Variants in BRINP3 observed in about 807,000 individuals in gnomAD.
BRINP3 encodes the protein BMP/retinoic acid-inducible neural-specific protein 3.
In BRINP3, 19 loss-of-function variants were observed where a neutral mutation model predicts 71.0. That is an observed-to-expected ratio of 0.27 (90% CI 0.19 to 0.39). BRINP3 has a LOEUF of 0.39. BRINP3 is among the 10% of genes least tolerant of loss of function. The probability of loss-of-function intolerance (pLI) is 1.00; values close to 1 mark genes in which losing one functional copy is unlikely to be tolerated. For synonymous variants in BRINP3, 380 were observed against 337.7 expected (o/e 1.13, Z -1.37); for missense variants, 959 against 940.8 (o/e 1.02, Z -0.25).
intron 2 of BRINP3, among the ~76,000 whole-genome samples, chr1:190,344,733 T>C (rs761439035): frequency 7.2e-5 from 11 of 151,928 alleles, no homozygotes; most frequent in Non-Finnish European, 1.5e-4. Flanking sequence ...AGTTGAAAAG[T>C]TTAACATAAT....
At chr1:190,136,863 C>T (rs903285871) in intron 7 of BRINP3, among the ~76,000 whole-genome samples, 1 of 152,100 alleles carries the variant, frequency 6.6e-6, no homozygotes, top group Middle Eastern at 3.4e-3. Context: ...TACTACATAA[C>T]AGATATTTAT....
At chr1:190,353,679 G>T (rs888517938) in intron 2 of BRINP3, among the ~76,000 whole-genome samples, 1 of 151,870 alleles carries the variant, frequency 6.6e-6, no homozygotes, top group Non-Finnish European at 1.5e-5. Context: ...AAAGGAAGTG[G>T]ATGACACACC....
At chr1:190,380,334 G>C (rs1312574245) in intron 2 of BRINP3, among the ~76,000 whole-genome samples, 3 of 152,134 alleles carry the variant, frequency 2.0e-5, no homozygotes, top group East Asian at 1.9e-4. Flanking sequence ...TGAGGGAATA[G>C]AGAAAGTGGT....
In BRINP3 at chr1:190,354,757, A is replaced by G. The variant is rs567436700; in HGVS notation, c.237-73007T>C. Among the ~76,000 whole-genome samples, 6 of 151,196 alleles carry G rather than the reference A, an allele frequency of 4.0e-5. No individual in the cohort carries two copies. The East Asian group carries it at 1.2e-3, about 29-fold the overall frequency. On this transcript the variant is annotated intron_variant, in intron 2 of 7. Coordinates refer to ENST00000367462, the MANE Select transcript of BRINP3 (RefSeq NM_199051.3). ...TGTTTCCACTGCCACCGTCTCTTAA[A>G]AGGTCTTCTAAGTGTTTTTTTTTTT...
At chr1:190,380,169 T>C (rs1313979835) in intron 2 of BRINP3, among the ~76,000 whole-genome samples, 1 of 152,102 alleles carries the variant, frequency 6.6e-6, no homozygotes, top group Non-Finnish European at 1.5e-5. Context: ...TATGATGATA[T>C]CTTAAACTAA....
At chr1:190,295,025 C>T (rs1016825416) in intron 2 of BRINP3, among the ~76,000 whole-genome samples, 2 of 151,940 alleles carry the variant, frequency 1.3e-5, no homozygotes, top group South Asian at 2.1e-4. Context: ...GAAGGGGTGA[C>T]GCAGGCCACC....
intron 7 of BRINP3, among the ~76,000 whole-genome samples, chr1:190,113,159 T>A (rs952372144): frequency 6.6e-6 from 1 of 152,104 alleles, no homozygotes; most frequent in Non-Finnish European, 1.5e-5. Flanking sequence ...AAAGCAATAA[T>A]CAATTGATTA....
At chr1:190,167,885 A>C (rs952626717) in intron 6 of BRINP3, among the ~76,000 whole-genome samples, 3 of 152,132 alleles carry the variant, frequency 2.0e-5, no homozygotes, top group African/African-American at 7.2e-5. Context: ...TTATTGGAGG[A>C]AAAAGCATTA....
intron 6 of BRINP3, among the ~76,000 whole-genome samples, chr1:190,193,203 A>T (rs922488317): frequency 2.0e-5 from 3 of 152,078 alleles, no homozygotes; most frequent in Non-Finnish European, 4.4e-5. Context: ...AACTATCAAT[A>T]TGGAGGAAGA....
At chr1:190,151,141 A>G (rs779861611) in intron 7 of BRINP3, among the ~76,000 whole-genome samples, 1 of 151,998 alleles carries the variant, frequency 6.6e-6, no homozygotes, top group Non-Finnish European at 1.5e-5. Context: ...AGCAAGACTC[A>G]GTCTCAAAAA....
intron 2 of BRINP3, among the ~76,000 whole-genome samples, chr1:190,300,978 T>C (rs1014288145): frequency 1.3e-5 from 2 of 151,772 alleles, no homozygotes; most frequent in Non-Finnish European, 2.9e-5. Flanking sequence ...CAAATTACTC[T>C]GAGCTACGGG....
chr1:190,407,710 C>A (rs1200683423), intron 2 of BRINP3, among the ~76,000 whole-genome samples: 1 of 151,916 alleles, frequency 6.6e-6, no homozygotes. Context: ...AAATTTTATG[C>A]CTTTGGTTTT....
Position 190,195,851 on chromosome 1 carries a change from G to A in BRINP3, c.961+30231C>T, listed in dbSNP as rs538973173. Among the ~76,000 whole-genome samples, 4 of 151,248 alleles carry A rather than the reference G, an allele frequency of 2.6e-5. No individual in the cohort carries two copies. The South Asian group carries it at 8.4e-4, about 32-fold the overall frequency. ...AACTATATCCATAATTGGAGTTCTT[G>A]AAAAAAAAGCTTGTTATCTCCACTT... On this transcript the variant is annotated intron_variant, in intron 6 of 7. Coordinates refer to ENST00000367462, the MANE Select transcript of BRINP3 (RefSeq NM_199051.3).
intron 2 of BRINP3, among the ~76,000 whole-genome samples, chr1:190,433,301 C>A (rs1674227581): frequency 6.6e-6 from 1 of 152,178 alleles, no homozygotes; most frequent in Admixed American, 6.5e-5. Context: ...TATAAACTTT[C>A]AATGATCTCC....
intron 2 of BRINP3, among the ~76,000 whole-genome samples, chr1:190,381,151 C>T (rs536136909): frequency 1.2e-4 from 19 of 152,232 alleles, no homozygotes; most frequent in African/African-American, 3.9e-4. Context: ...TTCATGCACC[C>T]ATTATAAAAG....
chr1:190,127,487 T>A (rs1009144517), intron 7 of BRINP3, among the ~76,000 whole-genome samples: 4 of 151,874 alleles, frequency 2.6e-5, no homozygotes, highest in African/African-American at 4.8e-5. Flanking sequence ...ATCCTGTCTT[T>A]TCTTCTTTTT....
chr1:190,121,547 A>C (rs1304840517), intron 7 of BRINP3, among the ~76,000 whole-genome samples: 1 of 152,196 alleles, frequency 6.6e-6, no homozygotes, highest in Admixed American at 6.5e-5. Context: ...TCTACAAATA[A>C]ACACTAAAAA....
intron 6 of BRINP3, among the ~76,000 whole-genome samples, chr1:190,163,964 C>G (rs746793241): frequency 2.6e-5 from 4 of 152,036 alleles, no homozygotes; most frequent in Non-Finnish European, 5.9e-5. Flanking sequence ...GGTTTCATAA[C>G]TCTGTTAGCA....
intron 6 of BRINP3, among the ~76,000 whole-genome samples, chr1:190,177,772 C>CA (rs1216070393): frequency 6.6e-6 from 1 of 152,168 alleles, no homozygotes; most frequent in African/African-American, 2.4e-5. Flanking sequence ...GATGCAATCT[C>CA]AAACAAATTG....
Sources: allele counts gnomAD v4.1 joint callset (sites outside exome capture counted in the v4.1 genomes callset), GRCh38; gene constraint gnomAD v4.1.1; transcripts MANE v1.5; gene names NCBI Gene and HGNC (gene_info 2026-07-23, HGNC 2026-07-21).